Variants in TNR observed in about 807,000 individuals in gnomAD.
The protein encoded by TNR is tenascin-R.
In TNR, 45 loss-of-function variants were observed where a neutral mutation model predicts 150.4. The ratio of observed to expected loss-of-function variants is 0.30; its 90% confidence interval spans 0.24 to 0.38. TNR has a LOEUF of 0.38. TNR is among the 10% of genes least tolerant of loss of function. TNR has a pLI of 1.00. For synonymous variants in TNR, 687 were observed against 678.4 expected, an observed-to-expected ratio of 1.01 and a Z score of -0.20; for missense variants, 1,544 against 1,759.1, an observed-to-expected ratio of 0.88 and a Z score of 2.19.
intron 2 of TNR, among the ~76,000 whole-genome samples, chr1:175,466,065 A>G (rs1657022073): frequency 6.6e-6 from 1 of 152,174 alleles, no homozygotes; most frequent in African/African-American, 2.4e-5. Context: ...TGCACTAACA[A>G]TAGACTTTCA....
At chr1:175,325,117 G>A (rs760771227) in intron 21 of TNR, among the ~76,000 whole-genome samples, 11 of 152,222 alleles carry the variant, frequency 7.2e-5, no homozygotes, top group Non-Finnish European at 1.6e-4. Context: ...TTGGGGAAGA[G>A]CGGACTTCAA....
In TNR at chr1:175,365,890, C is replaced by T; in HGVS notation, c.2302G>A (p.Val768Met). 2 of 1,614,000 alleles carry T rather than the reference C, an allele frequency of 1.2e-6. No homozygotes were observed. Among genetic ancestry groups the T allele is most frequent in the Non-Finnish European group, 1.7e-6 (2 of 1,179,916 alleles). Residue 768 changes from valine to methionine, a missense_variant, in exon 11 of 23, where the codon GTG becomes ATG. Coordinates refer to ENST00000367674, the MANE Select transcript of TNR (RefSeq NM_003285.3). ...GCTCTGGTACCTGTGAAAGCATCCA[C>T]AGTGGACTCCAAGCTCTGCTGCCGA... ...RGRQQSLEST[V>M]DAFTGFRPIS... is the part of the protein sequence containing the mutation.
chr1:175,327,517 T>C (rs948097107), intron 21 of TNR, among the ~76,000 whole-genome samples: 3 of 152,190 alleles, frequency 2.0e-5, no homozygotes, highest in African/African-American at 7.2e-5. Flanking sequence ...ATTTTTCTTC[T>C]TGGGACCTAC....
chr1:175,500,075 C>T (rs1377298631), intron 2 of TNR, among the ~76,000 whole-genome samples: 1 of 152,188 alleles, frequency 6.6e-6, no homozygotes, highest in Non-Finnish European at 1.5e-5. Flanking sequence ...CCTCAGTCTA[C>T]TTGAGACTTG....
intron 1 of TNR, among the ~76,000 whole-genome samples, chr1:175,681,958 G>A (rs73035422): frequency 0.012 from 1,847 of 152,244 alleles, 44 homozygotes; most frequent in African/African-American, 0.042. Context: ...AAGGAGCTGC[G>A]ACTCATGCAG....
chr1:175,548,086 A>G (rs1308919140), intron 1 of TNR, among the ~76,000 whole-genome samples: 1 of 152,196 alleles, frequency 6.6e-6, no homozygotes, highest in Non-Finnish European at 1.5e-5. Context: ...GACAACAGCT[A>G]GGTCCTCGTT....
At position 175,317,428 on chromosome 1, in the gene TNR, G is replaced by A. The variant is rs1362928026; in HGVS notation, c.*5929C>T. ...CCAACATTTGCCTGTTGGAGGCAGTGTTGAGCATATTAGTGCTCCATGTCA... is the reference window on the plus strand; with the variant it reads ...CCAACATTTGCCTGTTGGAGGCAGTATTGAGCATATTAGTGCTCCATGTCA... On this transcript the variant is annotated 3_prime_UTR_variant, in exon 23 of 23. Transcript: ENST00000367674. The A allele has an allele frequency of 6.6e-6, 1 of 152,240 alleles. No individual in the cohort carries two copies. The highest frequency in any genetic ancestry group is 1.5e-5 in the Non-Finnish European group (1 of 68,050). 9.4% of individuals were successfully genotyped at this position (152,240 alleles called of 1,614,324 possible).
intron 1 of TNR, among the ~76,000 whole-genome samples, chr1:175,582,841 A>G (rs2102229986): frequency 6.6e-6 from 1 of 152,242 alleles, no homozygotes; most frequent in East Asian, 1.9e-4. Flanking sequence ...ACCCTTATGA[A>G]TGGATTAATG....
At chr1:175,377,316 A>C (rs982430487) in intron 9 of TNR, among the ~76,000 whole-genome samples, 2 of 152,072 alleles carry the variant, frequency 1.3e-5, no homozygotes, top group Non-Finnish European at 2.9e-5. Flanking sequence ...GGGGTTTTCT[A>C]TCTCTCTCAT....
intron 1 of TNR, among the ~76,000 whole-genome samples, chr1:175,586,850 G>T (rs904568219): frequency 3.3e-5 from 5 of 152,150 alleles, no homozygotes; most frequent in Non-Finnish European, 7.3e-5. Context: ...AAGTCATTCT[G>T]GTCACTTCAG....
At chr1:175,565,114 C>T (rs895627212) in intron 1 of TNR, among the ~76,000 whole-genome samples, 1 of 152,226 alleles carries the variant, frequency 6.6e-6, no homozygotes, top group Admixed American at 6.5e-5. Flanking sequence ...AATCCTGGAT[C>T]TTAAGAAAAT....
chr1:175,365,702 CT>C (rs1651805470), intron 11 of TNR, among the ~76,000 whole-genome samples, 172 bp downstream of exon 11: 1 of 152,206 alleles, frequency 6.6e-6, no homozygotes, highest in South Asian at 2.1e-4. Flanking sequence ...CCCCTCTTTA[CT>C]TCCAACCCTT....
chr1:175,511,550 A>G (rs1312384354), intron 2 of TNR, among the ~76,000 whole-genome samples: 1 of 152,252 alleles, frequency 6.6e-6, no homozygotes, highest in Non-Finnish European at 1.5e-5. Flanking sequence ...TGACCCTGTG[A>G]CAACTGCCAT....
intron 2 of TNR, among the ~76,000 whole-genome samples, chr1:175,454,491 G>T (rs1181457875): frequency 1.3e-5 from 2 of 151,298 alleles, no homozygotes; most frequent in African/African-American, 2.4e-5. Flanking sequence ...TATTTTTTGA[G>T]ACAGAGTCTC....
At chr1:175,647,218 A>G (rs1235774681) in intron 1 of TNR, among the ~76,000 whole-genome samples, 2 of 152,224 alleles carry the variant, frequency 1.3e-5, no homozygotes, top group South Asian at 2.1e-4. Context: ...TGCAAAAAAA[A>G]GGAGCATCGT....
chr1:175,401,705 G>A (rs957153122), intron 4 of TNR, among the ~76,000 whole-genome samples: 6 of 152,120 alleles, frequency 3.9e-5, no homozygotes, highest in Non-Finnish European at 5.9e-5. Flanking sequence ...TGCCTGCCAC[G>A]TAGGAGTGAG....
chr1:175,680,566 G>A (rs1666003473), intron 1 of TNR, among the ~76,000 whole-genome samples: 1 of 152,130 alleles, frequency 6.6e-6, no homozygotes. Context: ...AAATCAGAAG[G>A]AGAAAAATAC....
intron 1 of TNR, among the ~76,000 whole-genome samples, chr1:175,741,549 T>C (rs1213943854): frequency 3.3e-5 from 5 of 152,178 alleles, no homozygotes; most frequent in Admixed American, 1.3e-4. Flanking sequence ...TGAGTCAGTG[T>C]TGGTTTCTGA....
chr1:175,666,752 T>A (rs1201966787), intron 1 of TNR, among the ~76,000 whole-genome samples: 1 of 152,192 alleles, frequency 6.6e-6, no homozygotes, highest in Non-Finnish European at 1.5e-5. Context: ...AGATTCGTTG[T>A]TGTTATTGTT....
Sources: gnomAD v4.1 joint callset for allele counts (sites outside exome capture counted in the v4.1 genomes callset) on GRCh38, gnomAD v4.1.1 for gene constraint, MANE v1.5 for transcripts, NCBI Gene and HGNC (gene_info 2026-07-23, HGNC 2026-07-21) for gene names.